ANKS1B: variants seen among roughly 807,000 people sequenced by gnomAD.
ANKS1B encodes ankyrin repeat and sterile alpha motif domain containing 1B.
ANKS1B carries 36 observed loss-of-function variants against 148.3 expected under a neutral mutation model. The observed-to-expected ratio is 0.24, with a 90% CI of 0.19 to 0.32. ANKS1B has a LOEUF of 0.32. ANKS1B is among the 10% of genes least tolerant of loss of function. The pLI is 1.00. For missense variants in ANKS1B, 1,157 were observed against 1,542.6 expected (o/e 0.75, Z 4.19); for synonymous variants, 542 against 560.8 (o/e 0.97, Z 0.47).
At chr12:99,062,150 A>C (rs574792644) in intron 16 of ANKS1B, among the ~76,000 whole-genome samples, 1 of 152,086 alleles carries the variant, frequency 6.6e-6, no homozygotes, top group Non-Finnish European at 1.5e-5. Flanking sequence ...AGTGTTGGCA[A>C]CTCCACTTAT....
chr12:99,487,066 TC>T (rs1229810020), intron 10 of ANKS1B, among the ~76,000 whole-genome samples: 10 of 152,120 alleles, frequency 6.6e-5, no homozygotes, highest in African/African-American at 9.7e-5. Context: ...CTGAAGAATT[TC>T]CCTGCTGAAC....
At chr12:99,364,327 T>G (rs1039675322) in intron 12 of ANKS1B, among the ~76,000 whole-genome samples, 3 of 152,128 alleles carry the variant, frequency 2.0e-5, no homozygotes, top group African/African-American at 7.2e-5. Flanking sequence ...TGAAGATTCT[T>G]TGTAGTGTCT....
chr12:98,804,726 T>C (rs1566706328), intron 20 of ANKS1B, among the ~76,000 whole-genome samples: 1 of 152,172 alleles, frequency 6.6e-6, no homozygotes, highest in Non-Finnish European at 1.5e-5. Flanking sequence ...CTATATGGAA[T>C]GGAAGAAGAG....
intron 12 of ANKS1B, among the ~76,000 whole-genome samples, chr12:99,316,429 A>G (rs142153855): frequency 7.2e-5 from 11 of 152,274 alleles, no homozygotes; most frequent in African/African-American, 2.2e-4. Flanking sequence ...CAGTGATGAT[A>G]AGCATTTTTT....
intron 25 of ANKS1B, among the ~76,000 whole-genome samples, chr12:98,771,281 C>CAT (rs533386119): frequency 3.9e-4 from 59 of 152,034 alleles, no homozygotes; most frequent in African/African-American, 1.4e-3. Flanking sequence ...GGGATTCTCT[C>CAT]ATCAGCCTCC....
chr12:99,859,702 A>G (rs182953928), intron 1 of ANKS1B, among the ~76,000 whole-genome samples: 6 of 151,666 alleles, frequency 4.0e-5, no homozygotes, highest in Non-Finnish European at 5.9e-5. Context: ...GCTGGAGTGC[A>G]GTGGCACAAT....
intron 12 of ANKS1B, among the ~76,000 whole-genome samples, chr12:99,378,667 A>G (rs994250211): frequency 8.6e-5 from 13 of 151,016 alleles, no homozygotes; most frequent in East Asian, 3.9e-4. Flanking sequence ...AAAAAAAAAA[A>G]AAAAAAGAAA....
intron 12 of ANKS1B, 116 bp from the exon 13 acceptor site, chr12:99,246,980 C>A: frequency 1.0e-5 from 8 of 781,870 alleles, no homozygotes; most frequent in Non-Finnish European, 1.7e-5. Flanking sequence ...TGCTACATAG[C>A]AATACCTTCA....
At chr12:99,233,992 T>C (rs2087359448) in intron 14 of ANKS1B, among the ~76,000 whole-genome samples, 2 of 152,216 alleles carry the variant, frequency 1.3e-5, no homozygotes, top group Non-Finnish European at 2.9e-5. Context: ...AGAATCCAAA[T>C]GTAATGTTGA....
At chr12:99,222,500 C>T (rs1002569398) in intron 14 of ANKS1B, among the ~76,000 whole-genome samples, 3 of 152,126 alleles carry the variant, frequency 2.0e-5, no homozygotes, top group Non-Finnish European at 4.4e-5. Context: ...CCTGTGATCC[C>T]AGTTACTTGG....
chr12:99,458,535 G>T (rs1024964110), intron 10 of ANKS1B, among the ~76,000 whole-genome samples: 9 of 150,912 alleles, frequency 6.0e-5, no homozygotes, highest in Admixed American at 2.0e-4. Flanking sequence ...AAGAAAAGAA[G>T]AGAGAAGATC....
intron 11 of ANKS1B, among the ~76,000 whole-genome samples, chr12:99,424,478 G>A (rs1386518773): frequency 6.6e-6 from 1 of 151,974 alleles, no homozygotes; most frequent in Non-Finnish European, 1.5e-5. Context: ...ACCAAGCAAT[G>A]GTGGTCAAAC....
chr12:99,707,226 AGTTT>A (rs1306871020), intron 8 of ANKS1B, among the ~76,000 whole-genome samples: 1 of 152,076 alleles, frequency 6.6e-6, no homozygotes, highest in East Asian at 1.9e-4. Context: ...CCAAGCCTCC[AGTTT>A]GTTTGCATCA....
chr12:98,999,721 T>G (rs1015015922), intron 17 of ANKS1B, among the ~76,000 whole-genome samples: 9 of 152,204 alleles, frequency 5.9e-5, no homozygotes, highest in African/African-American at 2.2e-4. Context: ...GCAGATGGGA[T>G]GCATCGGGCT....
chr12:99,400,873 C>A (rs2094385737), intron 11 of ANKS1B, among the ~76,000 whole-genome samples: 1 of 144,870 alleles, frequency 6.9e-6, no homozygotes, highest in Admixed American at 6.9e-5. Flanking sequence ...AGATTATTTT[C>A]CTGCAAAATA....
intron 15 of ANKS1B, among the ~76,000 whole-genome samples, chr12:99,125,073 A>C (rs935142503): frequency 1.3e-5 from 2 of 152,156 alleles, no homozygotes; most frequent in Non-Finnish European, 2.9e-5. Flanking sequence ...ATGTAGGGTA[A>C]ACAGAATTTT....
At chr12:99,752,455 G>T (rs1207659503) in intron 8 of ANKS1B, among the ~76,000 whole-genome samples, 1 of 151,840 alleles carries the variant, frequency 6.6e-6, no homozygotes, top group Non-Finnish European at 1.5e-5. Context: ...TAAAACAGTA[G>T]CTAGTACGTA....
chr12:99,543,316 A>C (rs2097144004), intron 9 of ANKS1B, among the ~76,000 whole-genome samples: 1 of 152,152 alleles, frequency 6.6e-6, no homozygotes, highest in South Asian at 2.1e-4. Context: ...AAAGACTAAC[A>C]ATAGCAAAAG....
At chr12:99,983,677 C>A (rs2095741565) in intron 1 of ANKS1B, among the ~76,000 whole-genome samples, 1 of 152,128 alleles carries the variant, frequency 6.6e-6, no homozygotes, top group Non-Finnish European at 1.5e-5. Flanking sequence ...TAGGAGCCAC[C>A]GAAGGCTGTG....
Sources: gnomAD v4.1 joint callset for allele counts (sites outside exome capture counted in the v4.1 genomes callset) on GRCh38, gnomAD v4.1.1 for gene constraint, MANE v1.5 for transcripts, NCBI Gene and HGNC (gene_info 2026-07-23, HGNC 2026-07-21) for gene names.